TRAF2: variants seen among roughly 807,000 people sequenced by gnomAD.
The protein encoded by TRAF2 is TNF receptor associated factor 2.
Under a neutral mutation model 55.6 loss-of-function variants are expected in TRAF2, and 6 were observed. That is an observed-to-expected ratio of 0.11 (90% CI 0.06 to 0.21). The LOEUF (loss-of-function observed/expected upper bound fraction) is 0.21, where lower values mean the gene tolerates loss of function less well. Ranked by LOEUF, TRAF2 falls within the 10% of genes least tolerant of loss-of-function variation. The pLI is 1.00. For missense variants in TRAF2, 561 were observed against 684.5 expected, an observed-to-expected ratio of 0.82 and a Z score of 2.01; for synonymous variants, 329 against 276.3, an observed-to-expected ratio of 1.19 and a Z score of -1.89.
chr9:136,890,041 C>A (rs1179894427), intron 1 of TRAF2, among the ~76,000 whole-genome samples: 4 of 141,642 alleles, frequency 2.8e-5, no homozygotes, highest in Non-Finnish European at 4.6e-5. Context: ...GTGTGAGTCC[C>A]CCCCGCACGC....
intron 10 of TRAF2, among the ~76,000 whole-genome samples, chr9:136,925,213 C>T (rs1290128055): frequency 2.0e-5 from 3 of 152,148 alleles, no homozygotes; most frequent in African/African-American, 4.8e-5. Flanking sequence ...GTGGAGGGCC[C>T]ACAGGCCCTT....
intron 1 of TRAF2, 36 bp downstream of exon 1, chr9:136,886,577 G>GCGGGCGCGGGGTCGGGTGCGGGGT (rs913593182): frequency 1.0e-6 from 1 of 981,368 alleles, no homozygotes; most frequent in South Asian, 4.5e-5. Flanking sequence ...GGGGTCGGGC[G>GCGGGCGCGGGGTCGGGTGCGGGGT]CGGGCGCGGG....
At chr9:136,904,185 C>A (rs987359672) in intron 4 of TRAF2, among the ~76,000 whole-genome samples, 2 of 152,182 alleles carry the variant, frequency 1.3e-5, no homozygotes, top group African/African-American at 4.8e-5. Flanking sequence ...GATGTCATAT[C>A]ATTTCACCTA....
At chr9:136,886,304 C>T (rs1849445334), upstream of TRAF2, 1 of 767,878 alleles carries the variant, frequency 1.3e-6, no homozygotes, top group African/African-American at 1.9e-5. Context: ...TCAGCGCCGA[C>T]CAATCGGCGC....
chr9:136,899,720 A>AT, intron 3 of TRAF2, 48 bp downstream of exon 3: 1 of 1,571,080 alleles, frequency 6.4e-7, no homozygotes, highest in Non-Finnish European at 8.7e-7. Flanking sequence ...AAAATGTCTT[A>AT]ATTTCCTTTA....
chr9:136,894,376 A>G (rs1849639879), intron 1 of TRAF2, among the ~76,000 whole-genome samples: 1 of 151,426 alleles, frequency 6.6e-6, no homozygotes, highest in South Asian at 2.1e-4. Context: ...GTTTACAGGT[A>G]AACTTTCCTT....
At chr9:136,896,429 C>T (rs1343326082) in intron 1 of TRAF2, among the ~76,000 whole-genome samples, 6 of 152,216 alleles carry the variant, frequency 3.9e-5, no homozygotes, top group South Asian at 2.1e-4. Flanking sequence ...CTTTCTCATC[C>T]GCAGCTTCCT....
chr9:136,907,964 T>G, intron 4 of TRAF2, 106 bp from the exon 5 acceptor site: 1 of 1,431,582 alleles, frequency 7.0e-7, no homozygotes, highest in South Asian at 1.3e-5. Flanking sequence ...AGGACCAGCA[T>G]GCGGACACCA....
intron 7 of TRAF2, among the ~76,000 whole-genome samples, chr9:136,918,728 A>G (rs1850305704): frequency 6.6e-6 from 1 of 150,680 alleles, no homozygotes; most frequent in South Asian, 2.1e-4. Flanking sequence ...TTCTTATTTT[A>G]TTTTGTTTTA....
chr9:136,917,014 G>A (rs1284506153), intron 7 of TRAF2, among the ~76,000 whole-genome samples: 4 of 152,144 alleles, frequency 2.6e-5, no homozygotes, highest in Admixed American at 2.6e-4. Context: ...GGCTGTCGCT[G>A]AGCCCTCCGC....
intron 7 of TRAF2, among the ~76,000 whole-genome samples, chr9:136,918,639 G>A (rs1464972476): frequency 6.6e-6 from 1 of 152,114 alleles, no homozygotes; most frequent in Non-Finnish European, 1.5e-5. Flanking sequence ...GCAAAGTCAA[G>A]TCTATAAAAT....
chr9:136,909,877 G>A (rs370817390), intron 5 of TRAF2, 43 bp from the exon 6 acceptor site: 68 of 1,607,676 alleles, frequency 4.2e-5, no homozygotes, highest in Non-Finnish European at 5.5e-5. Context: ...CCCGCGCCTG[G>A]CATTGGCGTC....
chr9:136,891,710 C>T (rs1299763992), intron 1 of TRAF2, among the ~76,000 whole-genome samples: 1 of 151,380 alleles, frequency 6.6e-6, no homozygotes, highest in Non-Finnish European at 1.5e-5. Flanking sequence ...GAAAAAAGAA[C>T]GCTCACCCTG....
intron 6 of TRAF2, among the ~76,000 whole-genome samples, chr9:136,911,904 C>T (rs1399215507): frequency 8.2e-6 from 1 of 122,046 alleles, no homozygotes; most frequent in East Asian, 2.7e-4. Context: ...GGCTGGAGGG[C>T]AGTGGCGAGA....
intron 6 of TRAF2, among the ~76,000 whole-genome samples, chr9:136,914,584 C>A (rs1228107176): frequency 2.0e-5 from 3 of 152,218 alleles, no homozygotes; most frequent in Non-Finnish European, 4.4e-5. Flanking sequence ...ATTGTGGGTT[C>A]ACACGGATGT....
At chr9:136,904,719 C>CT (rs1284941633) in intron 4 of TRAF2, among the ~76,000 whole-genome samples, 2 of 151,974 alleles carry the variant, frequency 1.3e-5, no homozygotes, top group African/African-American at 4.8e-5. Flanking sequence ...AAAGAACAGT[C>CT]TTTTAATTAA....
At chr9:136,908,394 G>A (rs1178551429) in intron 5 of TRAF2, among the ~76,000 whole-genome samples, 163 bp downstream of exon 5, 1 of 152,236 alleles carries the variant, frequency 6.6e-6, no homozygotes, top group African/African-American at 2.4e-5. Flanking sequence ...GCAGAACTGG[G>A]AATGGGTGTG....
chr9:136,887,074 C>G (rs924389626), intron 1 of TRAF2, among the ~76,000 whole-genome samples: 1 of 152,180 alleles, frequency 6.6e-6, no homozygotes, highest in Non-Finnish European at 1.5e-5. Context: ...GGGGCGGAGC[C>G]GACTCTGCTG....
intron 1 of TRAF2, among the ~76,000 whole-genome samples, chr9:136,894,748 G>A (rs1286016917): frequency 6.6e-6 from 1 of 152,138 alleles, no homozygotes; most frequent in Non-Finnish European, 1.5e-5. Flanking sequence ...CCAGAGAAGG[G>A]GCTAGTGCTG....
Sources: gnomAD v4.1 joint callset for allele counts (sites outside exome capture counted in the v4.1 genomes callset) on GRCh38, gnomAD v4.1.1 for gene constraint, MANE v1.5 for transcripts, NCBI Gene and HGNC (gene_info 2026-07-23, HGNC 2026-07-21) for gene names.